The following SLC4A8 variants were observed in gnomAD, a reference collection of about 807,000 sequenced individuals.
The protein encoded by SLC4A8 is electroneutral sodium bicarbonate exchanger 1.
Under a neutral mutation model 125.0 loss-of-function variants are expected in SLC4A8, and 40 were observed. The observed-to-expected ratio is 0.32, with a 90% CI of 0.25 to 0.42. SLC4A8 has a LOEUF of 0.42. Among genes scored for constraint, SLC4A8 ranks in the 10% least tolerant of loss-of-function variants. SLC4A8 has a pLI of 1.00. For synonymous variants in SLC4A8, 456 were observed against 476.0 expected (o/e 0.96, Z 0.55); for missense variants, 863 against 1,355.1 (o/e 0.64, Z 5.70).
intron 1 of SLC4A8, among the ~76,000 whole-genome samples, chr12:51,431,831 G>T (rs2138068948): frequency 6.6e-6 from 1 of 152,248 alleles, no homozygotes; most frequent in East Asian, 1.9e-4. Context: ...GAGCGCCAAG[G>T]ATTTAAGAAG....
chr12:51,459,430 C>A lies in SLC4A8; in HGVS notation c.856-521C>A, dbSNP rs576167143. ...TCCCGGGCAAGTCAACTTCACCTCT[C>A]TGGGTTTCAAATACTTCATTTTTTT... is the stretch of plus-strand genomic sequence containing the variant. On this transcript the variant is annotated intron_variant, in intron 7 of 24. Coordinates refer to ENST00000453097, the MANE Select transcript of SLC4A8 (RefSeq NM_001039960.3). Among the ~76,000 whole-genome samples, 12 of 152,150 alleles carry A rather than the reference C, an allele frequency of 7.9e-5. No individual in the cohort carries two copies. The South Asian group carries it at 2.5e-3, about 32-fold the overall frequency.
At chr12:51,429,999 A>G (rs1041545355) in intron 1 of SLC4A8, among the ~76,000 whole-genome samples, 3 of 151,948 alleles carry the variant, frequency 2.0e-5, no homozygotes, top group Admixed American at 6.6e-5. Context: ...GTGAGATTGG[A>G]ACTCTCAGCA....
chr12:51,473,350 G>A (rs1361263132), intron 14 of SLC4A8, among the ~76,000 whole-genome samples: 1 of 152,064 alleles, frequency 6.6e-6, no homozygotes, highest in Non-Finnish European at 1.5e-5. Flanking sequence ...ATGCATTTAA[G>A]GTCCTCTGTT....
In SLC4A8 at chr12:51,457,339, C is replaced by G. The variant is rs778256651; in HGVS notation, c.575-12C>G. ...CTCAATCTGAGTGTTCATGTGAGTG[C>G]CTGCTTTCCAGACCTGATCCTGGAT... is the stretch of plus-strand genomic sequence containing the variant. On this transcript the variant is annotated splice_polypyrimidine_tract_variant and intron_variant, in intron 5 of 24. Coordinates refer to ENST00000453097, the MANE Select transcript of SLC4A8 (RefSeq NM_001039960.3). 6.2e-7 allele frequency: 1 copy of G among 1,611,326 alleles called. No homozygotes were observed. The highest frequency in any genetic ancestry group is 1.3e-5 in the African/African-American group (1 of 74,894).
At chr12:51,409,680 G>A (rs1481851593) in intron 1 of SLC4A8, among the ~76,000 whole-genome samples, 1 of 152,176 alleles carries the variant, frequency 6.6e-6, no homozygotes, top group Non-Finnish European at 1.5e-5. Flanking sequence ...CTCCCTAGTA[G>A]CTGGGACTAT....
chr12:51,488,462 C>T, intron 17 of SLC4A8, among the ~76,000 whole-genome samples: 1 of 152,090 alleles, frequency 6.6e-6, no homozygotes, highest in Non-Finnish European at 1.5e-5. Flanking sequence ...TTCTTATCTA[C>T]CATCCTGCAA....
intron 22 of SLC4A8, among the ~76,000 whole-genome samples, chr12:51,498,291 T>C (rs1217110122): frequency 6.6e-6 from 1 of 151,988 alleles, no homozygotes; most frequent in East Asian, 1.9e-4. Flanking sequence ...ATAATTCTTA[T>C]AAATTAATAA....
chr12:51,502,870 G>T (rs186044282), intron 22 of SLC4A8, among the ~76,000 whole-genome samples: 1 of 134,896 alleles, frequency 7.4e-6, no homozygotes, highest in African/African-American at 2.9e-5. Context: ...ATGGAGTCTC[G>T]CTCTGTCGTC....
rs2138476912 is a variant in SLC4A8 at position 51,511,590 on chromosome 12, T to C, written c.*4152T>C. On this transcript the variant is annotated 3_prime_UTR_variant, in exon 25 of 25. Coordinates refer to ENST00000453097, the MANE Select transcript of SLC4A8 (RefSeq NM_001039960.3). Reference sequence around the variant, plus strand: ...TTTTAGTAGAGACGAAGTTTCACTATGTTGGCCAGGCTGGTCTGAAACTCC... The same window carrying C: ...TTTTAGTAGAGACGAAGTTTCACTACGTTGGCCAGGCTGGTCTGAAACTCC... The C allele has an allele frequency of 6.6e-6, 1 of 152,350 alleles. No homozygotes were observed. Among genetic ancestry groups the C allele is most frequent in the African/African-American group, 2.4e-5 (1 of 41,548 alleles). The allele number at this position is 152,350 out of a possible 1,614,324, so 9.4% of individuals were successfully genotyped here.
chr12:51,445,583 C>T (rs929943963), intron 2 of SLC4A8, among the ~76,000 whole-genome samples: 1 of 152,078 alleles, frequency 6.6e-6, no homozygotes, highest in Non-Finnish European at 1.5e-5. Context: ...TTCTACCCTG[C>T]CCTGGCCCTA....
chr12:51,459,339 G>GAT (rs1950248658), intron 7 of SLC4A8, among the ~76,000 whole-genome samples: 1 of 152,162 alleles, frequency 6.6e-6, no homozygotes, highest in Non-Finnish European at 1.5e-5. Flanking sequence ...GGAAGCTTGG[G>GAT]GGAATGGGAT....
At chr12:51,454,398 C>G (rs1950068465) in intron 5 of SLC4A8, among the ~76,000 whole-genome samples, 1 of 147,318 alleles carries the variant, frequency 6.8e-6, no homozygotes, top group Admixed American at 6.8e-5. Context: ...AATAAGGGGA[C>G]CCGGGGAACC....
chr12:51,509,052 T>C lies in SLC4A8; in HGVS notation c.*1614T>C, dbSNP rs1259091868. 6.5e-6 allele frequency: 1 copy of C among 152,682 alleles called. No individual in the cohort carries two copies. Among genetic ancestry groups the C allele is most frequent in the Non-Finnish European group, 1.5e-5 (1 of 68,048 alleles). The allele number at this position is 152,682 out of a possible 1,614,324, so 9.5% of individuals were successfully genotyped here. On this transcript the variant is annotated 3_prime_UTR_variant, in exon 25 of 25. Coordinates refer to ENST00000453097, the MANE Select transcript of SLC4A8 (RefSeq NM_001039960.3). ...TTTAATACAGAGATGATTTTCAAAA[T>C]ATTTTAACAACTGGTACAGGACAGA...
intron 1 of SLC4A8, among the ~76,000 whole-genome samples, chr12:51,439,156 A>G (rs1252081433): frequency 6.6e-6 from 1 of 152,100 alleles, no homozygotes; most frequent in Non-Finnish European, 1.5e-5. Context: ...TCCCAGGTTC[A>G]AGTGATTCTC....
chr12:51,418,473 G>A (rs190121069), intron 1 of SLC4A8, among the ~76,000 whole-genome samples: 1 of 152,288 alleles, frequency 6.6e-6, no homozygotes, highest in Non-Finnish European at 1.5e-5. Context: ...AAACAAAGCT[G>A]ATTATCCTTA....
At chr12:51,409,181 C>T (rs575100661) in intron 1 of SLC4A8, among the ~76,000 whole-genome samples, 41 of 152,272 alleles carry the variant, frequency 2.7e-4, no homozygotes, top group African/African-American at 9.4e-4. Context: ...CACACCACTA[C>T]ACCTGGCTAA....
intron 16 of SLC4A8, among the ~76,000 whole-genome samples, chr12:51,483,050 G>A (rs1281938188): frequency 1.3e-5 from 2 of 152,084 alleles, no homozygotes; most frequent in Non-Finnish European, 2.9e-5. Flanking sequence ...TTCTTTTGTG[G>A]TTCCCCCCAC....
At chr12:51,395,945 C>T (rs1948252365) in intron 1 of SLC4A8, among the ~76,000 whole-genome samples, 1 of 152,218 alleles carries the variant, frequency 6.6e-6, no homozygotes, top group Non-Finnish European at 1.5e-5. Flanking sequence ...CTCCTCATCT[C>T]ATTCCCATGC....
chr12:51,421,051 G>A (rs948536688), upstream of SLC4A8, among the ~76,000 whole-genome samples: 8 of 152,094 alleles, frequency 5.3e-5, no homozygotes, highest in African/African-American at 1.9e-4. Context: ...TGTTGTCTCT[G>A]CCTCTACACA....
Sources: gnomAD v4.1 joint callset for allele counts (sites outside exome capture counted in the v4.1 genomes callset) on GRCh38, gnomAD v4.1.1 for gene constraint, MANE v1.5 for transcripts, NCBI Gene and HGNC (gene_info 2026-07-23, HGNC 2026-07-21) for gene names.